The following TPO variants were observed in gnomAD, a reference collection of about 807,000 sequenced individuals.
TPO encodes the protein thyroid microsomal antigen.
TPO carries 78 observed loss-of-function variants against 96.9 expected under a neutral mutation model. The observed-to-expected ratio is 0.81, with a 90% CI of 0.67 to 0.97. The LOEUF is 0.97. Ranked by LOEUF, TPO falls within the 50% of genes least tolerant of loss-of-function variation. The probability of loss-of-function intolerance (pLI) is 0.00; values close to 1 mark genes in which losing one functional copy is unlikely to be tolerated. For missense variants in TPO, 1,252 were observed against 1,274.8 expected (o/e 0.98, Z 0.27); for synonymous variants, 547 against 538.0 (o/e 1.02, Z -0.23).
chr2:1,536,802 C>T (rs1573652543), intron 15 of TPO, among the ~76,000 whole-genome samples: 1 of 101,078 alleles, frequency 9.9e-6, no homozygotes, highest in African/African-American at 3.9e-5. Context: ...GCAATCTGTG[C>T]AACCTCCCCA....
chr2:1,522,811 AATC>A (rs1675472515), intron 15 of TPO, among the ~76,000 whole-genome samples: 1 of 52,456 alleles, frequency 1.9e-5, no homozygotes, highest in Non-Finnish European at 3.6e-5. Flanking sequence ...CAACCCCCCA[AATC>A]TCCCCCACTG....
chr2:1,422,515 C>T (rs1342131811), intron 2 of TPO, among the ~76,000 whole-genome samples: 1 of 152,204 alleles, frequency 6.6e-6, no homozygotes, highest in African/African-American at 2.4e-5. Flanking sequence ...ACAGGACTGA[C>T]GTGTGAACAT....
At position 1,531,041 on chromosome 2, in the gene TPO, C is replaced by T. The variant is rs368256857; in HGVS notation, c.2619-9553C>T. On this transcript the variant is annotated intron_variant, in intron 15 of 16. Coordinates refer to ENST00000329066, the MANE Select transcript of TPO (RefSeq NM_001206744.2). Reference sequence around the variant, plus strand: ...ACCCTATCTTTCCCACTGTGTGCAACCCCCCCAAATACCCCCACTATGTGC... The same window carrying T: ...ACCCTATCTTTCCCACTGTGTGCAATCCCCCCAAATACCCCCACTATGTGC... 2.8e-4 allele frequency among the ~76,000 whole-genome samples: 30 copies of T among 106,680 alleles called. 1 individual carries two copies. The East Asian group carries it at 5.9e-3, about 21-fold the overall frequency. 70.0% of individuals were successfully genotyped at this position (106,680 alleles called of 152,430 possible).
intron 13 of TPO, among the ~76,000 whole-genome samples, chr2:1,502,139 G>A (rs2124987041): frequency 6.6e-6 from 1 of 152,198 alleles, no homozygotes. Flanking sequence ...GATCATGATG[G>A]AAACACTCCC....
At chr2:1,407,923 T>C (rs1423875145) in intron 1 of TPO, among the ~76,000 whole-genome samples, 1 of 152,252 alleles carries the variant, frequency 6.6e-6, no homozygotes, top group African/African-American at 2.4e-5. Context: ...ATTCCATCTT[T>C]TATTCTAATG....
chr2:1,425,029 G>T (rs1406532051), intron 3 of TPO, among the ~76,000 whole-genome samples: 1 of 105,800 alleles, frequency 9.5e-6, no homozygotes, highest in Non-Finnish European at 2.1e-5. Context: ...TCAGAAGTCC[G>T]TGCCCCTTCT....
chr2:1,537,906 GTGCAACCTGCCCAATTTCCCCCACTC>G lies in TPO; in HGVS notation c.2619-2679_2619-2654del, dbSNP rs1410402891. On this transcript the variant is annotated intron_variant, in intron 15 of 16. Transcript: ENST00000329066. ...AACCTCCTCAAATCCCCACCACTCT[GTGCAACCTGCCCAATTTCCCCCACTC>G]TGCAACCTCCCGAAATCCCCCGTAG... 4.8e-5 allele frequency among the ~76,000 whole-genome samples: 5 copies of G among 104,422 alleles called. No homozygotes were observed. In the East Asian group the frequency reaches 9.2e-4, roughly 19 times the overall value. 68.5% of individuals were successfully genotyped at this position (104,422 alleles called of 152,430 possible).
Position 1,477,533 on chromosome 2 carries a change from G to A in TPO, c.1267G>A (p.Ala423Thr), listed in dbSNP as rs1670092118. 1.3e-6 allele frequency: 2 copies of A among 1,534,784 alleles called. No homozygotes were observed. Among genetic ancestry groups the A allele is most frequent in the Non-Finnish European group, 1.7e-6 (2 of 1,145,866 alleles). The change falls in exon 8 of 17, where the codon GCC becomes ACC. Residue 423 changes from alanine (A) to threonine (T), a missense_variant. Ala to Thr is a moderately conservative substitution (Grantham distance 58). Transcript: ENST00000329066. ...EHNRLAAALK[A>T]LNAHWSADAV... is the part of the protein sequence containing the mutation. ...CAACCGCCTGGCCGCGGCGCTCAAG[G>A]CCCTCAATGCGCACTGGAGCGCGGA... is the stretch of plus-strand genomic sequence containing the variant.
At chr2:1,530,585 C>A (rs1677883868) in intron 15 of TPO, among the ~76,000 whole-genome samples, 1 of 106,258 alleles carries the variant, frequency 9.4e-6, no homozygotes, top group Middle Eastern at 7.1e-3. Context: ...ACGATGTGTG[C>A]AACCTCCCCA....
At chr2:1,447,787 T>C (rs1666955196) in intron 5 of TPO, among the ~76,000 whole-genome samples, 1 of 152,254 alleles carries the variant, frequency 6.6e-6, no homozygotes, top group South Asian at 2.1e-4. Flanking sequence ...GAACCATCCT[T>C]TACCCAGTGA....
chr2:1,503,864 AG>A, intron 13 of TPO, 83 bp from the exon 14 acceptor site: 1 of 1,610,964 alleles, frequency 6.2e-7, no homozygotes, highest in Non-Finnish European at 8.5e-7. Context: ...CCCAGAGAGA[AG>A]CACCTCCCAG....
intron 14 of TPO, among the ~76,000 whole-genome samples, chr2:1,509,702 C>G (rs935178067): frequency 6.6e-6 from 1 of 151,486 alleles, no homozygotes; most frequent in Non-Finnish European, 1.5e-5. Context: ...TTCAGGCACA[C>G]CCCCCTTCTT....
chr2:1,404,280 T>C (rs765224877), intron 1 of TPO, among the ~76,000 whole-genome samples: 1 of 152,112 alleles, frequency 6.6e-6, no homozygotes, highest in African/African-American at 2.4e-5. Context: ...TAGCCAATTG[T>C]GGTAATGCAG....
chr2:1,540,871 T>G, intron 16 of TPO, 148 bp downstream of exon 16: 1 of 1,551,832 alleles, frequency 6.4e-7, no homozygotes, highest in South Asian at 1.2e-5. Flanking sequence ...CGGGAGGTTT[T>G]ATTTACAAGC....
At chr2:1,395,380 T>C (rs544722681) in intron 1 of TPO, among the ~76,000 whole-genome samples, 13 of 152,346 alleles carry the variant, frequency 8.5e-5, no homozygotes, top group Admixed American at 2.0e-4. Context: ...AAGTTTGCTT[T>C]GGATTATTAA....
chr2:1,465,207 G>A (rs1668789645), intron 7 of TPO, among the ~76,000 whole-genome samples: 1 of 152,166 alleles, frequency 6.6e-6, no homozygotes, highest in South Asian at 2.1e-4. Context: ...TCAATTGGCT[G>A]TAAGTATTTG....
chr2:1,533,592 A>C (rs1225512363), intron 15 of TPO, among the ~76,000 whole-genome samples: 1 of 4,246 alleles, frequency 2.4e-4, no homozygotes. Flanking sequence ...AATCCCCCCC[A>C]CTCTGTGCAA....
At chr2:1,391,095 A>C (rs1661993472) in intron 1 of TPO, among the ~76,000 whole-genome samples, 1 of 152,164 alleles carries the variant, frequency 6.6e-6, no homozygotes, top group Non-Finnish European at 1.5e-5. Flanking sequence ...TTAGTCATGA[A>C]GTCCTTGCCC....
chr2:1,478,469 G>A (rs1024269958), intron 8 of TPO, among the ~76,000 whole-genome samples: 1 of 152,238 alleles, frequency 6.6e-6, no homozygotes, highest in Non-Finnish European at 1.5e-5. Context: ...CACAGGGGCT[G>A]TGTGTGGCAC....
Sources: gnomAD v4.1 joint callset for allele counts (sites outside exome capture counted in the v4.1 genomes callset) on GRCh38, gnomAD v4.1.1 for gene constraint, MANE v1.5 for transcripts, NCBI Gene and HGNC (gene_info 2026-07-23, HGNC 2026-07-21) for gene names.